NLK: variants seen among roughly 807,000 people sequenced by gnomAD.
NLK encodes nemo like kinase, also known as serine/threonine-protein kinase NLK.
In NLK, 11 loss-of-function variants were observed where a neutral mutation model predicts 59.0. The ratio of observed to expected loss-of-function variants is 0.19; its 90% CI spans 0.12 to 0.31. NLK has a LOEUF of 0.31. Ranked by LOEUF, NLK falls within the 10% of genes least tolerant of loss-of-function variation. The pLI, the probability that NLK is intolerant of heterozygous loss-of-function variation, is 1.00. For synonymous variants in NLK, 235 were observed against 235.9 expected (o/e 1.00, Z 0.03); for missense variants, 410 against 661.1 (o/e 0.62, Z 4.16).
At chr17:28,095,961 T>G (rs1293044591) in intron 1 of NLK, among the ~76,000 whole-genome samples, 1 of 152,186 alleles carries the variant, frequency 6.6e-6, no homozygotes, top group Non-Finnish European at 1.5e-5. Context: ...AAAACCAGAA[T>G]GGAGAATTTA....
At chr17:28,117,524 C>G (rs920312547) in intron 1 of NLK, among the ~76,000 whole-genome samples, 1 of 152,128 alleles carries the variant, frequency 6.6e-6, no homozygotes. Context: ...GTTCATTAAA[C>G]ACAGAGTTAG....
chr17:28,164,944 T>G (rs1261828645), intron 5 of NLK, among the ~76,000 whole-genome samples: 1 of 152,200 alleles, frequency 6.6e-6, no homozygotes, highest in African/African-American at 2.4e-5. Context: ...CCCTTCATTA[T>G]AGCCTTGAAG....
intron 1 of NLK, among the ~76,000 whole-genome samples, chr17:28,055,054 G>C (rs912640424): frequency 2.0e-5 from 3 of 150,324 alleles, no homozygotes; most frequent in Non-Finnish European, 4.4e-5. Flanking sequence ...GATAGTAATA[G>C]TATTCCAGTA....
At position 28,078,614 on chromosome 17, in the gene NLK, A is replaced by G. The variant is rs536782418; in HGVS notation, c.458+35283A>G. On this transcript the variant is annotated intron_variant, in intron 1 of 10. Transcript: ENST00000407008. The stretch of plus-strand genomic sequence containing the variant: ...AGTCACCTTATAGCCAGTTTCACCC[A>G]CTTTCCATTTTACTTTGTGTTCATT... Among the ~76,000 whole-genome samples, 151 of 152,184 alleles carry G rather than the reference A, an allele frequency of 9.9e-4. 1 individual carries two copies. Among genetic ancestry groups the G allele is most frequent in the African/African-American group, 3.5e-3 (147 of 41,516 alleles).
At chr17:28,147,818 G>C (rs549120566) in intron 3 of NLK, among the ~76,000 whole-genome samples, 1 of 152,134 alleles carries the variant, frequency 6.6e-6, no homozygotes, top group Non-Finnish European at 1.5e-5. Context: ...AGGATGTGCT[G>C]CTTGTTATAT....
chr17:28,132,599 C>CA (rs1906565368), intron 2 of NLK, 21 bp from the exon 3 acceptor site: 2 of 1,568,984 alleles, frequency 1.3e-6, no homozygotes, highest in African/African-American at 1.4e-5. Flanking sequence ...CTAAATTTGA[C>CA]TTTTTTTTTC....
Position 28,162,852 on chromosome 17 carries a change from G to A in NLK, c.752-691G>A, listed in dbSNP as rs144533054. The stretch of plus-strand genomic sequence containing the variant: ...GAGCATGGCTTGAGCCAGGAAGGTC[G>A]AGGCTTCAGTGAGCTGTGATCATAC... On this transcript the variant is annotated intron_variant, in intron 4 of 10. Coordinates refer to ENST00000407008, the MANE Select transcript of NLK (RefSeq NM_016231.5). Among the ~76,000 whole-genome samples, 11 of 151,914 alleles carry A rather than the reference G, an allele frequency of 7.2e-5. No individual in the cohort carries two copies. In the East Asian group the frequency reaches 1.5e-3, roughly 21 times the overall value.
chr17:28,095,284 T>C (rs1904661241), intron 1 of NLK, among the ~76,000 whole-genome samples: 1 of 152,134 alleles, frequency 6.6e-6, no homozygotes, highest in East Asian at 1.9e-4. Context: ...CCCCTCAAGC[T>C]GGGAGGGTAG....
At chr17:28,137,368 ATATATT>A (rs888581682) in intron 3 of NLK, among the ~76,000 whole-genome samples, 1 of 152,166 alleles carries the variant, frequency 6.6e-6, no homozygotes, top group Non-Finnish European at 1.5e-5. Context: ...AGTCAAAAAT[ATATATT>A]TATATTACTT....
intron 7 of NLK, among the ~76,000 whole-genome samples, chr17:28,175,552 T>C (rs1908647210): frequency 6.6e-6 from 1 of 152,150 alleles, no homozygotes; most frequent in Non-Finnish European, 1.5e-5. Flanking sequence ...TCAGACAGAT[T>C]GAGTATGAAT....
intron 3 of NLK, among the ~76,000 whole-genome samples, chr17:28,141,887 A>G (rs1419152005): frequency 1.3e-5 from 2 of 152,164 alleles, no homozygotes; most frequent in Non-Finnish European, 2.9e-5. Context: ...AACAGTGACT[A>G]TTCCAGTCAC....
At chr17:28,155,735 A>G (rs1907678307) in intron 3 of NLK, among the ~76,000 whole-genome samples, 1 of 151,752 alleles carries the variant, frequency 6.6e-6, no homozygotes, top group Admixed American at 6.6e-5. Context: ...AACAATGAGA[A>G]CACTTGAACA....
intron 1 of NLK, among the ~76,000 whole-genome samples, chr17:28,110,168 G>A (rs1905402012): frequency 6.6e-6 from 1 of 151,950 alleles, no homozygotes; most frequent in Non-Finnish European, 1.5e-5. Flanking sequence ...TTATGATTCT[G>A]TTGTGAATGA....
At chr17:28,150,562 A>G (rs1006073315) in intron 3 of NLK, among the ~76,000 whole-genome samples, 5 of 152,310 alleles carry the variant, frequency 3.3e-5, no homozygotes, top group Non-Finnish European at 2.9e-5. Context: ...AGCTTGTAAT[A>G]TTGTTTTTAA....
chr17:28,183,735 T>G (rs1401991929), intron 7 of NLK, among the ~76,000 whole-genome samples: 3 of 152,128 alleles, frequency 2.0e-5, no homozygotes, highest in Admixed American at 2.0e-4. Context: ...TAAAACCCAT[T>G]AGGAAAATCA....
chr17:28,134,298 G>A (rs543782952), intron 3 of NLK, among the ~76,000 whole-genome samples: 2 of 152,140 alleles, frequency 1.3e-5, no homozygotes, highest in East Asian at 3.9e-4. Context: ...CCACTCAAGA[G>A]GCTGAGGCAG....
intron 1 of NLK, among the ~76,000 whole-genome samples, chr17:28,099,627 G>A (rs1233874849): frequency 6.9e-6 from 1 of 144,212 alleles, no homozygotes; most frequent in East Asian, 2.0e-4. Context: ...GCCGGACTGC[G>A]GACTGCAGTG....
chr17:28,047,202 GT>G (rs1397964228), intron 1 of NLK, among the ~76,000 whole-genome samples: 3 of 152,150 alleles, frequency 2.0e-5, no homozygotes, highest in African/African-American at 7.2e-5. Context: ...AATGTTAGTT[GT>G]TTTTATTGTA....
At chr17:28,070,918 C>G (rs1047173487) in intron 1 of NLK, among the ~76,000 whole-genome samples, 2 of 152,142 alleles carry the variant, frequency 1.3e-5, no homozygotes, top group Non-Finnish European at 2.9e-5. Flanking sequence ...TTTTCTGTTT[C>G]ATTAGTCTTT....
Sources: allele counts gnomAD v4.1 joint callset (sites outside exome capture counted in the v4.1 genomes callset), GRCh38; gene constraint gnomAD v4.1.1; transcripts MANE v1.5; gene names NCBI Gene and HGNC (gene_info 2026-07-23, HGNC 2026-07-21).